Variants in MAN2B2 observed in about 807,000 individuals in gnomAD.
MAN2B2 encodes epididymis-specific alpha-mannosidase.
In MAN2B2, 106 loss-of-function variants were observed where a neutral mutation model predicts 117.1. That is an observed-to-expected ratio of 0.90 (90% CI 0.77 to 1.06). MAN2B2 has a LOEUF of 1.06. MAN2B2 is among the 50% of genes least tolerant of loss of function. The probability of loss-of-function intolerance (pLI) is 0.00; values close to 1 mark genes in which losing one functional copy is unlikely to be tolerated. For synonymous variants in MAN2B2, 544 were observed against 595.1 expected (o/e 0.91, Z 1.25); for missense variants, 1,326 against 1,381.4 (o/e 0.96, Z 0.64).
chr4:6,617,729 G>C (rs1051775142), intron 17 of MAN2B2: 14 of 598,514 alleles, frequency 2.3e-5, no homozygotes, highest in African/African-American at 2.2e-4. Flanking sequence ...TGCCCAGTCT[G>C]GGGTGCAGTG....
At chr4:6,580,535 G>A (rs1174657161) in intron 3 of MAN2B2, among the ~76,000 whole-genome samples, 1 of 152,168 alleles carries the variant, frequency 6.6e-6, no homozygotes, top group Non-Finnish European at 1.5e-5. Context: ...CTCTGGGGCT[G>A]TTTCTCACCT....
chr4:6,575,246 G>T lies in MAN2B2; in HGVS notation c.36G>T (p.Pro12=). The change falls in exon 1 of 19, where the codon CCG becomes CCT. Residue 12 remains proline (P), a synonymous_variant. Coordinates refer to ENST00000285599, the MANE Select transcript of MAN2B2 (RefSeq NM_015274.3). The stretch of plus-strand genomic sequence containing the variant: ...TGTGCTGGCTGCCGCTGCTGGCACC[G>T]CTCCTGTTGCTGCGACCGCCAGGGG... ...GQLCWLPLLA[P]LLLLRPPGVQ... The T allele has an allele frequency of 1.3e-6, 2 of 1,543,020 alleles. No individual in the cohort carries two copies. The highest frequency in any genetic ancestry group is 8.7e-7 in the Non-Finnish European group (1 of 1,149,766).
intron 3 of MAN2B2, among the ~76,000 whole-genome samples, chr4:6,581,476 C>T (rs559837341): frequency 3.2e-4 from 49 of 152,168 alleles, no homozygotes; most frequent in Admixed American, 2.7e-3. Context: ...GTCCCTAGGG[C>T]GGGGGCAGAG....
chr4:6,578,917 C>T (rs1435470959), intron 3 of MAN2B2, among the ~76,000 whole-genome samples: 1 of 151,764 alleles, frequency 6.6e-6, no homozygotes, highest in Non-Finnish European at 1.5e-5. Flanking sequence ...TGCTGCCTTC[C>T]ATCACAATTA....
chr4:6,585,580 CA>C (rs1332082172), intron 3 of MAN2B2, among the ~76,000 whole-genome samples: 1 of 152,190 alleles, frequency 6.6e-6, no homozygotes, highest in Non-Finnish European at 1.5e-5. Context: ...CCTTTGTATT[CA>C]TGATCTATTT....
intron 3 of MAN2B2, among the ~76,000 whole-genome samples, chr4:6,579,213 C>CCACCACCACCACCACCAT (rs1726271259): frequency 1.3e-5 from 1 of 78,780 alleles, no homozygotes; most frequent in African/African-American, 4.4e-5. Context: ...ATCACCATCA[C>CCACCACCACCACCACCAT]CACCACCACC....
intron 10 of MAN2B2, among the ~76,000 whole-genome samples, chr4:6,601,126 C>A (rs1049972650): frequency 6.6e-6 from 1 of 152,050 alleles, no homozygotes; most frequent in Non-Finnish European, 1.5e-5. Context: ...TCCCATGATA[C>A]ACACACACAC....
intron 15 of MAN2B2, among the ~76,000 whole-genome samples, chr4:6,613,583 G>A (rs1711683933): frequency 7.3e-6 from 1 of 136,918 alleles, no homozygotes; most frequent in African/African-American, 2.6e-5. Flanking sequence ...TACAAGGAAG[G>A]AAGGAAGGAA....
chr4:6,598,455 C>T, intron 9 of MAN2B2, 101 bp downstream of exon 9: 1 of 1,272,198 alleles, frequency 7.9e-7, no homozygotes. Context: ...ACTCTGAGTC[C>T]ACATCACCCA....
In MAN2B2 at chr4:6,621,300, C is replaced by A; in HGVS notation, c.*15C>A. 4.4e-6 allele frequency: 7 copies of A among 1,602,212 alleles called. No individual in the cohort carries two copies. Among genetic ancestry groups the A allele is most frequent in the Non-Finnish European group, 5.1e-6 (6 of 1,169,618 alleles). The stretch of plus-strand genomic sequence containing the variant: ...AACAGCAGTGAGCCCTGGGCAGATG[C>A]CCCGGCCCCAGGGCTTCCCCCAGGA... On this transcript the variant is annotated 3_prime_UTR_variant, in exon 19 of 19. Transcript: ENST00000285599.
rs939575896 is a variant in MAN2B2, at chr4:6,622,007, T to C, written c.*722T>C. 2 of 152,292 alleles carry C rather than the reference T, an allele frequency of 1.3e-5. No individual in the cohort carries two copies. The highest frequency in any genetic ancestry group is 6.5e-5 in the Admixed American group (1 of 15,284). The allele number at this position is 152,292 out of a possible 1,614,324, so 9.4% of individuals were successfully genotyped here. A position where few individuals can be genotyped will look rare whatever the true frequency, so the allele number is the denominator to read the frequency against. On this transcript the variant is annotated 3_prime_UTR_variant, in exon 19 of 19. Transcript: ENST00000285599. Reference sequence around the variant, plus strand: ...CACAATACCTGTGCTCCCGCGTTCATAGCAGCATTACTCAAAAGTCAAACG... The same window carrying C: ...CACAATACCTGTGCTCCCGCGTTCACAGCAGCATTACTCAAAAGTCAAACG...
chr4:6,617,655 G>T, intron 17 of MAN2B2, 163 bp downstream of exon 17: 1 of 1,389,716 alleles, frequency 7.2e-7, no homozygotes, highest in Non-Finnish European at 9.6e-7. Flanking sequence ...GGTTTGTCAG[G>T]TATTACAACT....
At chr4:6,579,062 AT>A (rs1726202011) in intron 3 of MAN2B2, among the ~76,000 whole-genome samples, 5 of 80,522 alleles carry the variant, frequency 6.2e-5, no homozygotes, top group Admixed American at 1.2e-4. Context: ...CACCACCACC[AT>A]CACCATCACC....
intron 7 of MAN2B2, among the ~76,000 whole-genome samples, chr4:6,595,843 G>A (rs1727055575): frequency 6.6e-6 from 1 of 152,254 alleles, no homozygotes; most frequent in Non-Finnish European, 1.5e-5. Context: ...GCTTAGTCCT[G>A]CCTCTCTGGG....
chr4:6,614,496 G>A, intron 16 of MAN2B2, 141 bp downstream of exon 16: 9 of 1,033,482 alleles, frequency 8.7e-6, no homozygotes, highest in South Asian at 1.6e-5. Flanking sequence ...TGGCACATGG[G>A]GAGAGTGAGG....
rs973279969 is a variant in MAN2B2, at chr4:6,622,184, A to G, written c.*899A>G. ...TCCTACAAATATTACGCTAAGTGAA[A>G]GAAGCCAATCACGAGTTTATGTGAA... On this transcript the variant is annotated 3_prime_UTR_variant, in exon 19 of 19. Coordinates refer to ENST00000285599, the MANE Select transcript of MAN2B2 (RefSeq NM_015274.3). 1 of 152,264 alleles carries G rather than the reference A, an allele frequency of 6.6e-6. No individual in the cohort carries two copies. Among genetic ancestry groups the G allele is most frequent in the African/African-American group, 2.4e-5 (1 of 41,472 alleles). 9.4% of individuals were successfully genotyped at this position (152,264 alleles called of 1,614,324 possible).
chr4:6,610,768 C>A, intron 13 of MAN2B2, 112 bp from the exon 14 acceptor site: 1 of 865,786 alleles, frequency 1.2e-6, no homozygotes, highest in East Asian at 2.5e-5. Flanking sequence ...GGTCCCAGCC[C>A]CATGCTGCTG....
At position 6,609,267 on chromosome 4, in the gene MAN2B2, C is replaced by T. The variant is rs1417706635; in HGVS notation, c.1975C>T (p.Leu659Phe). Reference sequence around the variant, plus strand: ...GGAAATGGAGATTGTGGCGGGACAGCTTGTGACTGAGATCCGGCAGTACTT... The same window carrying T: ...GGAAATGGAGATTGTGGCGGGACAGTTTGTGACTGAGATCCGGCAGTACTT... ...AVEMEIVAGQ[L>F]VTEIRQYFYR... Residue 659 changes from leucine (L) to phenylalanine (F), a missense_variant, in exon 12 of 19, where the codon CTT (leucine) becomes TTT (phenylalanine). Leu to Phe is a conservative substitution (Grantham distance 22). Coordinates refer to ENST00000285599, the MANE Select transcript of MAN2B2 (RefSeq NM_015274.3). The T allele has an allele frequency of 6.2e-7, 1 of 1,613,888 alleles. No individual in the cohort carries two copies. Among genetic ancestry groups the T allele is most frequent in the Non-Finnish European group, 8.5e-7 (1 of 1,179,966 alleles).
intron 5 of MAN2B2, among the ~76,000 whole-genome samples, chr4:6,590,824 A>C: frequency 6.6e-6 from 1 of 150,868 alleles, no homozygotes; most frequent in African/African-American, 2.4e-5. Context: ...TCCCCTCCTC[A>C]TCCTTGTCCC....
Sources: gnomAD v4.1 joint callset for allele counts (sites outside exome capture counted in the v4.1 genomes callset) on GRCh38, gnomAD v4.1.1 for gene constraint, MANE v1.5 for transcripts, NCBI Gene and HGNC (gene_info 2026-07-23, HGNC 2026-07-21) for gene names.